Variants in TTN observed in about 807,000 individuals in gnomAD.
TTN encodes the protein titin, also known as connectin.
In TTN, 1,525 loss-of-function variants were observed where a neutral mutation model predicts 3,223.0. The observed-to-expected ratio is 0.47, with a 90% CI of 0.45 to 0.49. TTN has a LOEUF of 0.49. Among genes scored for constraint, TTN ranks in the 20% least tolerant of loss-of-function variants. The probability of loss-of-function intolerance (pLI) is 0.00; values close to 1 mark genes in which losing one functional copy is unlikely to be tolerated. For synonymous variants in TTN, 14,094 were observed against 15,161.0 expected (o/e 0.93, Z 5.17); for missense variants, 40,786 against 43,424.0 (o/e 0.94, Z 5.40).
chr2:178,594,263 G>A (rs2050917428), intron 296 of TTN, 21 bp from the exon 297 acceptor site: 1 of 1,599,264 alleles, frequency 6.3e-7, no homozygotes. Flanking sequence ...TAATTATAAA[G>A]GCAAGTCATT....
intron 347 of TTN, 54 bp from the exon 348 acceptor site, chr2:178,543,003 G>T (rs952646843): frequency 1.0e-4 from 156 of 1,512,438 alleles, no homozygotes; most frequent in Non-Finnish European, 1.3e-4. Flanking sequence ...ATGGTAAATT[G>T]TTACGAATTC....
rs774443573 is a variant in TTN at position 178,715,211 on chromosome 2, C to T, written c.25975G>A (p.Asp8659Asn). The change falls in exon 90 of 363, where the codon GAT (aspartate) becomes AAT (asparagine). Residue 8659 changes from aspartate (D) to asparagine (N), a missense_variant. Transcript: ENST00000589042. ...PHPIETLKGA[D>N]VHLECELQGT... The stretch of plus-strand genomic sequence containing the variant: ...TGAAGCTCACATTCAAGGTGAACAT[C>T]AGCTCCTTTCAGTGTCTCTATAGGA... 1.9e-6 allele frequency: 3 copies of T among 1,613,642 alleles called. No individual in the cohort carries two copies. The highest frequency in any genetic ancestry group is 2.5e-6 in the Non-Finnish European group (3 of 1,179,676).
intron 127 of TTN, among the ~76,000 whole-genome samples, chr2:178,686,652 C>T (rs183368114): frequency 6.6e-6 from 1 of 151,860 alleles, no homozygotes; most frequent in Admixed American, 6.6e-5. Context: ...TGTGCTCAAG[C>T]AATCCTCCCT....
intron 213 of TTN, 58 bp from the exon 214 acceptor site, chr2:178,647,522 A>G: frequency 6.6e-7 from 1 of 1,506,356 alleles, no homozygotes; most frequent in East Asian, 2.5e-5. Flanking sequence ...AAGATTGTCT[A>G]AAGAGCAGGC....
chr2:178,665,774 C>T lies in TTN; in HGVS notation c.35893G>A (p.Glu11965Lys). The T allele has an allele frequency of 7.7e-7, 1 of 1,294,076 alleles. No homozygotes were observed. Among genetic ancestry groups the T allele is most frequent in the Non-Finnish European group, 9.7e-7 (1 of 1,025,866 alleles). The allele number at this position is 1,294,076 out of a possible 1,614,324, so 80.2% of individuals were successfully genotyped here. A position where few individuals can be genotyped will look rare whatever the true frequency, so the allele number is the denominator to read the frequency against. Residue 11965 changes from glutamate (E) to lysine (K), a missense_variant, in exon 164 of 363, where the codon GAA becomes AAA. Transcript: ENST00000589042. ...PSPTVPESPR[E>K]IVPVKETPMA... The stretch of plus-strand genomic sequence containing the variant: ...GGTGTTTCCTTTACAGGGACAATTT[C>T]TCGAGGTGATTCAGGCACTTTAAAG...
rs374118468 is a variant in TTN at position 178,593,830 on chromosome 2, A to T, written c.58470T>A (p.Asp19490Glu). Residue 19490 changes from aspartate to glutamate, a missense_variant, in exon 298 of 363, where the codon GAT becomes GAA. Coordinates refer to ENST00000589042, the MANE Select transcript of TTN (RefSeq NM_001267550.2). ...PGPPVGPVSF[D>E]EVTKDYMVIS... Reference sequence around the variant, plus strand: ...TAACCATGTAATCTTTGGTCACCTCATCAAAACTAACTGGTCCTACTGGTG... The same window carrying T: ...TAACCATGTAATCTTTGGTCACCTCTTCAAAACTAACTGGTCCTACTGGTG... 38 of 1,612,938 alleles carry T rather than the reference A, an allele frequency of 2.4e-5. No individual in the cohort carries two copies. Among genetic ancestry groups the T allele is most frequent in the South Asian group, 2.2e-4 (20 of 91,056 alleles).
intron 283 of TTN, 53 bp downstream of exon 283, chr2:178,602,229 A>T (rs930574529): frequency 1.3e-6 from 2 of 1,595,352 alleles, no homozygotes; most frequent in Non-Finnish European, 1.7e-6. Flanking sequence ...TAAATTAATC[A>T]ATTTCATAAT....
intron 333 of TTN, 43 bp downstream of exon 333, chr2:178,553,869 AAT>A (rs1183601944): frequency 1.0e-5 from 16 of 1,561,822 alleles, no homozygotes; most frequent in Non-Finnish European, 1.4e-5. Flanking sequence ...CACACAGGTG[AAT>A]ATAGAAGACA....
rs72647856 is a variant in TTN, at chr2:178,792,030, T to C, written c.1662+42A>G. 1,320 of 1,602,820 alleles carry C rather than the reference T, an allele frequency of 8.2e-4. 28 individuals are homozygous for C. The East Asian group carries it at 0.022, about 27-fold the overall frequency. On this transcript the variant is annotated intron_variant, in intron 10 of 362. Coordinates refer to ENST00000589042, the MANE Select transcript of TTN (RefSeq NM_001267550.2). ...CTACCTGCAGCTGGCTGTAATGTGA[T>C]ATTGTCAACAAACTACAAAATATTT... is the stretch of plus-strand genomic sequence containing the variant.
Position 178,592,096 on chromosome 2 carries a change from G to A in TTN, c.59808C>T (p.His19936=). The change falls in exon 302 of 363, where the codon CAC becomes CAT. Residue 19936 remains histidine (H), a synonymous_variant. Coordinates refer to ENST00000589042, the MANE Select transcript of TTN (RefSeq NM_001267550.2). ...PLSATSKKKS[H]FAKHLNEGNQ... is the part of the protein sequence containing the mutation. ...TGCCTTCATTCAGATGCTTAGCGAA[G>A]TGACTCTTTTTCTTTGATGTAGCTG... 6.2e-7 allele frequency: 1 copy of A among 1,612,976 alleles called. No homozygotes were observed. The highest frequency in any genetic ancestry group is 8.5e-7 in the Non-Finnish European group (1 of 1,179,500).
Position 178,547,511 on chromosome 2 carries a change from T to C in TTN, c.94115A>G (p.His31372Arg), listed in dbSNP as rs761630773. ...AGAATATTCCATGTATTTTGTGAGA[T>C]GAGTGACTTTAATTTGAGTGCGCTT... ...SVKRTQIKVT[H>R]LTKYMEYSFR... The change falls in exon 339 of 363, where the codon CAT becomes CGT. Residue 31372 changes from histidine to arginine, a missense_variant. His to Arg is a conservative substitution (Grantham distance 29). Coordinates refer to ENST00000589042, the MANE Select transcript of TTN (RefSeq NM_001267550.2). 6.2e-6 allele frequency: 10 copies of C among 1,613,556 alleles called. No homozygotes were observed. In the Admixed American group the frequency reaches 1.5e-4, roughly 24 times the overall value.
At chr2:178,609,137 C>G in intron 273 of TTN, 71 bp downstream of exon 273, 1 of 1,421,898 alleles carries the variant, frequency 7.0e-7, no homozygotes, top group Admixed American at 3.2e-5. Flanking sequence ...TTTTAACTCT[C>G]TCCCAAACTT....
chr2:178,700,007 G>T (rs746335371), intron 111 of TTN, among the ~76,000 whole-genome samples: 1 of 151,978 alleles, frequency 6.6e-6, no homozygotes, highest in East Asian at 1.9e-4. Context: ...GAGCCACCGC[G>T]CCAGGCCTCT....
intron 47 of TTN, chr2:178,746,118 C>G: frequency 6.2e-7 from 1 of 1,613,380 alleles, no homozygotes; most frequent in Non-Finnish European, 8.5e-7. Context: ...TCGCTAATCA[C>G]GTATTTAATA....
At chr2:178,625,521 C>T (rs922368701) in intron 240 of TTN, 125 bp from the exon 241 acceptor site, 21 of 994,388 alleles carry the variant, frequency 2.1e-5, no homozygotes, top group Admixed American at 3.1e-5. Context: ...CTATTTAGCA[C>T]GTATGCATTC....
At position 178,557,308 on chromosome 2, in the gene TTN, A is replaced by C. The variant is rs1228888069; in HGVS notation, c.87954T>G (p.Ala29318=). The change falls in exon 329 of 363, where the codon GCT becomes GCG. Residue 29318 remains alanine, a synonymous_variant. Transcript: ENST00000589042. ...AAGGATGGCTAGGTTTTCCAACTCCAGCAGCATTTTCTGCATACACCCTGA... is the reference window on the plus strand; with the variant it reads ...AAGGATGGCTAGGTTTTCCAACTCCCGCAGCATTTTCTGCATACACCCTGA... ...YEFRVYAENA[A]GVGKPSHPSE... 5.0e-6 allele frequency: 8 copies of C among 1,613,830 alleles called. No individual in the cohort carries two copies. The highest frequency in any genetic ancestry group is 6.8e-6 in the Non-Finnish European group (8 of 1,179,882).
In TTN at chr2:178,620,258, T is replaced by A. The variant is rs1348609321; in HGVS notation, c.46263A>T (p.Val15421=). 6.5e-7 allele frequency: 1 copy of A among 1,540,754 alleles called. No homozygotes were observed. Among genetic ancestry groups the A allele is most frequent in the Non-Finnish European group, 8.7e-7 (1 of 1,147,628 alleles). Residue 15421 remains valine, a synonymous_variant, in exon 248 of 363, where the codon GTA becomes GTT. Coordinates refer to ENST00000589042, the MANE Select transcript of TTN (RefSeq NM_001267550.2). ...SCQLSREKAN[V]KWYRNGREIK... is the part of the protein sequence containing the mutation. ...TTTCTCTCCCATTTCTGTACCATTT[T>A]ACATTGGCTTTCTCTCTGGAGAGCT...
intron 47 of TTN, chr2:178,751,071 A>G (rs912812009): frequency 6.2e-7 from 1 of 1,612,860 alleles, no homozygotes; most frequent in African/African-American, 1.3e-5. Flanking sequence ...ATTTGATTAG[A>G]AAGGGCATGT....
chr2:178,536,444 T>G lies in TTN; in HGVS notation c.100303A>C (p.Lys33435Gln), dbSNP rs773848816. 29 of 1,611,972 alleles carry G rather than the reference T, an allele frequency of 1.8e-5. No individual in the cohort carries two copies. Among genetic ancestry groups the G allele is most frequent in the Admixed American group, 5.0e-5 (3 of 59,842 alleles). Residue 33435 changes from lysine (K) to glutamine (Q), a missense_variant, in exon 357 of 363, where the codon AAG (lysine) becomes CAG (glutamine). Physicochemically the swap from Lys to Gln is moderately conservative, Grantham distance 53. Transcript: ENST00000589042. ...RNYYLEKREK[K>Q]QNKWISVTTE... Reference sequence around the variant, plus strand: ...GTCACAGAAATCCATTTATTCTGCTTCTTCTCACGCTTCTCAAGGTAGTAA... The same window carrying G: ...GTCACAGAAATCCATTTATTCTGCTGCTTCTCACGCTTCTCAAGGTAGTAA...
Sources: gnomAD v4.1 joint callset for allele counts (sites outside exome capture counted in the v4.1 genomes callset) on GRCh38, gnomAD v4.1.1 for gene constraint, MANE v1.5 for transcripts, NCBI Gene and HGNC (gene_info 2026-07-23, HGNC 2026-07-21) for gene names.